ZNF536: variants seen among roughly 807,000 people sequenced by gnomAD.
The protein encoded by ZNF536 is zinc finger protein 536.
Under a neutral mutation model 84.5 loss-of-function variants are expected in ZNF536, and 13 were observed. The ratio of observed to expected loss-of-function variants is 0.15; its 90% CI spans 0.10 to 0.24. The LOEUF (loss-of-function observed/expected upper bound fraction) is 0.24, where lower values mean the gene tolerates loss of function less well. ZNF536 is among the 10% of genes least tolerant of loss of function. ZNF536 has a pLI of 1.00. For synonymous variants in ZNF536, 811 were observed against 742.5 expected, an observed-to-expected ratio of 1.09 and a Z score of -1.50; for missense variants, 1,536 against 1,747.5, an observed-to-expected ratio of 0.88 and a Z score of 2.16.
At chr19:30,675,547 C>G (rs1331398994) in intron 1 of ZNF536, among the ~76,000 whole-genome samples, 1 of 152,096 alleles carries the variant, frequency 6.6e-6, no homozygotes, top group Non-Finnish European at 1.5e-5. Context: ...TGGCTTATCA[C>G]GAAAGGAAGG....
intron 1 of ZNF536, among the ~76,000 whole-genome samples, chr19:30,439,955 CTTTCTTTTTT>C (rs1480312250): frequency 3.7e-4 from 49 of 133,054 alleles, no homozygotes; most frequent in Non-Finnish European, 5.9e-4. Flanking sequence ...CTTTTTCTTT[CTTTCTTTTTT>C]TTTTTTTTTT....
Position 30,445,224 on chromosome 19 carries a change from C to T in ZNF536, c.1662C>T (p.Asn554=), listed in dbSNP as rs1456977194. ...GCAACCACGAAGACACTTTGGCAAA[C>T]GCCGGGGTTCTGTTTGATAAGGAGA... ...LQRNHEDTLA[N]AGVLFDKEKR... The change falls in exon 2 of 5, where the codon AAC becomes AAT. Residue 554 remains asparagine (N), a synonymous_variant. Transcript: ENST00000355537. The surrounding 1 kb of genome is among the most constrained non-coding windows in gnomAD (Gnocchi z 4.5). The T allele has an allele frequency of 2.5e-6, 4 of 1,614,054 alleles. No homozygotes were observed. Among genetic ancestry groups the T allele is most frequent in the East Asian group, 2.2e-5 (1 of 44,868 alleles).
chr19:30,392,396 G>A (rs2049632525), intron 1 of ZNF536, among the ~76,000 whole-genome samples: 1 of 152,174 alleles, frequency 6.6e-6, no homozygotes, highest in Non-Finnish European at 1.5e-5. Flanking sequence ...TGAAGTTCAT[G>A]CCCATGTGGA....
chr19:30,677,816 C>A (rs1233537572), intron 1 of ZNF536, among the ~76,000 whole-genome samples: 2 of 152,114 alleles, frequency 1.3e-5, no homozygotes, highest in Admixed American at 6.5e-5. Flanking sequence ...ACGTGGCCTG[C>A]CCCCTCTGAT....
intron 2 of ZNF536, among the ~76,000 whole-genome samples, chr19:30,484,061 G>A (rs1451752027): frequency 6.6e-6 from 1 of 151,818 alleles, no homozygotes; most frequent in Non-Finnish European, 1.5e-5. Context: ...GTTAAACCCA[G>A]CCCATCCCCG....
intron 1 of ZNF536, among the ~76,000 whole-genome samples, chr19:30,268,096 A>G (rs1057469850): frequency 1.1e-5 from 1 of 88,670 alleles, no homozygotes; most frequent in Non-Finnish European, 2.2e-5. Flanking sequence ...CAGATATATT[A>G]GCCACATTAA....
intron 1 of ZNF536, among the ~76,000 whole-genome samples, chr19:30,379,762 G>A (rs2048952657): frequency 6.6e-6 from 1 of 152,006 alleles, no homozygotes; most frequent in Admixed American, 6.6e-5. Context: ...CTGGCTGCAG[G>A]GGATGCTGTA....
chr19:30,512,288 A>G (rs546930672), intron 2 of ZNF536, among the ~76,000 whole-genome samples: 2 of 152,226 alleles, frequency 1.3e-5, no homozygotes, highest in Admixed American at 6.5e-5. Flanking sequence ...GTCGTTCAGA[A>G]CATCTCCCGA....
At chr19:30,449,215 G>T (rs1028252175) in intron 2 of ZNF536, among the ~76,000 whole-genome samples, 1 of 152,102 alleles carries the variant, frequency 6.6e-6, no homozygotes, top group Admixed American at 6.5e-5. Context: ...ATTTCACACC[G>T]TGGTCAATGT....
intron 1 of ZNF536, among the ~76,000 whole-genome samples, chr19:30,265,765 G>A (rs115030521): frequency 0.015 from 2,283 of 152,296 alleles, 56 homozygotes; most frequent in African/African-American, 0.052. Flanking sequence ...GCTGGCCTTA[G>A]GGACACGGGT....
At chr19:30,360,486 T>G (rs183313799) in intron 3 of ZNF536, among the ~76,000 whole-genome samples, 85 of 152,348 alleles carry the variant, frequency 5.6e-4, no homozygotes, top group African/African-American at 1.9e-3. Context: ...TGCATGGACT[T>G]TATTATATCG....
chr19:30,394,299 G>A (rs924047832), intron 1 of ZNF536, among the ~76,000 whole-genome samples: 4 of 152,106 alleles, frequency 2.6e-5, no homozygotes, highest in Admixed American at 1.3e-4. Flanking sequence ...CTACTTATCC[G>A]TGATGAACCC....
intron 1 of ZNF536, among the ~76,000 whole-genome samples, chr19:30,618,895 A>G (rs755275149): frequency 3.3e-5 from 5 of 151,708 alleles, no homozygotes; most frequent in African/African-American, 9.7e-5. Context: ...GTTTTCTTTT[A>G]TTACATCTTT....
chr19:30,443,376 G>C (rs188424072), intron 1 of ZNF536, among the ~76,000 whole-genome samples, 185 bp from the exon 2 acceptor site: 1 of 152,344 alleles, frequency 6.6e-6, no homozygotes, highest in African/African-American at 2.4e-5. Flanking sequence ...AATTGGAGGA[G>C]CAATGCCATA....
intron 1 of ZNF536, among the ~76,000 whole-genome samples, chr19:30,702,775 C>T (rs530348927): frequency 2.6e-5 from 4 of 152,292 alleles, no homozygotes; most frequent in African/African-American, 9.6e-5. Context: ...TCTTTCCTAT[C>T]TCCTGGCAAC....
chr19:30,252,183 C>G (rs1416356464), intron 1 of ZNF536, among the ~76,000 whole-genome samples: 1 of 152,152 alleles, frequency 6.6e-6, no homozygotes, highest in Non-Finnish European at 1.5e-5. Flanking sequence ...AGCTAACAAA[C>G]TTATGAAAAA....
intron 2 of ZNF536, among the ~76,000 whole-genome samples, chr19:30,320,793 G>T (rs2046829493): frequency 6.6e-6 from 1 of 152,072 alleles, no homozygotes; most frequent in Non-Finnish European, 1.5e-5. Flanking sequence ...CCTCTTCTTG[G>T]CTCCCGGGAG....
At chr19:30,528,084 C>T (rs762868562) in intron 2 of ZNF536, among the ~76,000 whole-genome samples, 5 of 152,156 alleles carry the variant, frequency 3.3e-5, no homozygotes, top group African/African-American at 1.2e-4. Flanking sequence ...ATACTAGAAG[C>T]TCCATAGAAA....
chr19:30,615,673 CA>C (rs1568605709), intron 1 of ZNF536, among the ~76,000 whole-genome samples: 1 of 151,672 alleles, frequency 6.6e-6, no homozygotes. Context: ...TCGGGGGTGG[CA>C]GGGGGAGGAG....
Sources: gnomAD v4.1 joint callset for allele counts (sites outside exome capture counted in the v4.1 genomes callset) on GRCh38, gnomAD v4.1.1 for gene constraint, Gnocchi (gnomAD v3.1) non-coding constraint, MANE v1.5 for transcripts, NCBI Gene and HGNC (gene_info 2026-07-23, HGNC 2026-07-21) for gene names.